CDH22: variants seen among roughly 807,000 people sequenced by gnomAD.
The protein encoded by CDH22 is cadherin 22, also known as cadherin-22.
Under a neutral mutation model 58.4 loss-of-function variants are expected in CDH22, and 30 were observed. That is an observed-to-expected ratio of 0.51 (90% CI 0.38 to 0.70). The LOEUF is 0.70. Among genes scored for constraint, CDH22 ranks in the 30% least tolerant of loss-of-function variants. The pLI, the probability that CDH22 is intolerant of heterozygous loss-of-function variation, is 0.00. For synonymous variants in CDH22, 513 were observed against 558.2 expected (o/e 0.92, Z 1.14); for missense variants, 1,014 against 1,233.9 (o/e 0.82, Z 2.67).
At position 46,174,715 on chromosome 20, in the gene CDH22, C is replaced by G. The variant is rs1488146284; in HGVS notation, c.2278G>C (p.Gly760Arg). Reference sequence around the variant, plus strand: ...TCGTAGGGCGGCACCGACAGGTCCCCGTCCGCCAGTGCCACCTTGCGGCTG... The same window carrying G: ...TCGTAGGGCGGCACCGACAGGTCCCGGTCCGCCAGTGCCACCTTGCGGCTG... ...FISRKVALAD[G>R]DLSVPPYDAF... The change falls in exon 12 of 12, where the codon GGG becomes CGG. Residue 760 changes from glycine to arginine, a missense_variant. Transcript: ENST00000537909. The surrounding 1 kb of genome is among the most constrained non-coding windows in gnomAD (Gnocchi z 4.4). 3 of 1,555,904 alleles carry G rather than the reference C, an allele frequency of 1.9e-6. No individual in the cohort carries two copies. The highest frequency in any genetic ancestry group is 1.2e-5 in the South Asian group (1 of 85,058).
intron 3 of CDH22, among the ~76,000 whole-genome samples, chr20:46,233,890 A>C (rs2145719029): frequency 6.6e-6 from 1 of 152,316 alleles, no homozygotes; most frequent in South Asian, 2.1e-4. Flanking sequence ...TTTAATTAAA[A>C]ACATCTTTAG....
At chr20:46,190,148 A>G (rs1459468323) in intron 8 of CDH22, among the ~76,000 whole-genome samples, 14 of 152,216 alleles carry the variant, frequency 9.2e-5, no homozygotes, top group Admixed American at 9.2e-4. Context: ...TAAAACAAGG[A>G]ATCCATCTGT....
In CDH22 at chr20:46,240,997, G is replaced by C; in HGVS notation, c.516C>G (p.Pro172=). The C allele has an allele frequency of 6.2e-7, 1 of 1,613,798 alleles. No individual in the cohort carries two copies. Among genetic ancestry groups the C allele is most frequent in the Non-Finnish European group, 8.5e-7 (1 of 1,179,878 alleles). The change falls in exon 3 of 12, where the codon CCC becomes CCG. Residue 172 remains proline (P), a synonymous_variant. Coordinates refer to ENST00000537909, the MANE Select transcript of CDH22 (RefSeq NM_021248.3). ...NDSEPRFLHG[P]YIGSVAELSP... ...AGAGCTCGGCCACGCTGCCAATATA[G>C]GGGCCGTGCAGGAAGCGGGGCTCAC...
In CDH22 at chr20:46,216,160, C is replaced by T. The variant is rs2086083584; in HGVS notation, c.838+666G>A. 6.6e-6 allele frequency among the ~76,000 whole-genome samples: 1 copy of T among 152,172 alleles called. No individual in the cohort carries two copies. ...AGCTTTGGTGGCTTCCCTGTAGTGG[C>T]TCTCGGCCTGAGCCTGGGACAGAGG... On this transcript the variant is annotated intron_variant, in intron 5 of 11. Coordinates refer to ENST00000537909, the MANE Select transcript of CDH22 (RefSeq NM_021248.3). This position sits in a 1 kb window ranked among gnomAD's most constrained non-coding sequence, Gnocchi z 5.3.
intron 1 of CDH22, among the ~76,000 whole-genome samples, chr20:46,274,881 T>C (rs2086509819): frequency 6.6e-6 from 1 of 151,166 alleles, no homozygotes; most frequent in South Asian, 2.1e-4. Context: ...ATAGGAAATG[T>C]CCCGAATAGG....
At chr20:46,221,065 C>A (rs2086121370) in intron 4 of CDH22, among the ~76,000 whole-genome samples, 1 of 152,106 alleles carries the variant, frequency 6.6e-6, no homozygotes, top group Non-Finnish European at 1.5e-5. Flanking sequence ...AATCCTGAGA[C>A]CATTGTACTG....
intron 8 of CDH22, among the ~76,000 whole-genome samples, chr20:46,196,494 G>A (rs571040255): frequency 1.3e-5 from 2 of 152,264 alleles, no homozygotes; most frequent in East Asian, 1.9e-4. Context: ...GGCTGGTCTC[G>A]AACTCTTGAA....
At chr20:46,197,497 T>C (rs552275218) in intron 8 of CDH22, among the ~76,000 whole-genome samples, 248 of 152,234 alleles carry the variant, frequency 1.6e-3, no homozygotes, top group African/African-American at 5.5e-3. Flanking sequence ...GGTGGGACAC[T>C]GGGCCGGTGA....
At chr20:46,238,500 A>C (rs866743435) in intron 3 of CDH22, among the ~76,000 whole-genome samples, 2 of 152,138 alleles carry the variant, frequency 1.3e-5, no homozygotes, top group South Asian at 4.2e-4. Context: ...TCTCTTGTTC[A>C]AGATCTCCAC....
Position 46,178,203 on chromosome 20 carries a change from C to G in CDH22, c.1664-6G>C, listed in dbSNP as rs1396965509. On this transcript the variant is annotated splice_polypyrimidine_tract_variant and splice_region_variant and intron_variant, in intron 10 of 11. Transcript: ENST00000537909. ...GTGCACTGCAGCGGTGTTGTCTGTT[C>G]CGGAAGAAGGGGGAGCGGTGTGACT... 1.2e-6 allele frequency: 2 copies of G among 1,607,210 alleles called. No homozygotes were observed. Among genetic ancestry groups the G allele is most frequent in the Admixed American group, 3.3e-5 (2 of 59,860 alleles).
intron 10 of CDH22, among the ~76,000 whole-genome samples, chr20:46,185,016 G>T (rs1250529342): frequency 6.6e-6 from 1 of 152,062 alleles, no homozygotes. Context: ...ACCCTGGGAG[G>T]CAGAGGTTGC....
rs578258729 is a variant in CDH22, at chr20:46,206,918, C to T, written c.1286+3389G>A. On this transcript the variant is annotated intron_variant, in intron 7 of 11. Coordinates refer to ENST00000537909, the MANE Select transcript of CDH22 (RefSeq NM_021248.3). ...AACGCAGGTGCTGCCAGAATGGAACCCTTAGAGCGAGCTGGACTCTGGCAG... is the reference window on the plus strand; with the variant it reads ...AACGCAGGTGCTGCCAGAATGGAACTCTTAGAGCGAGCTGGACTCTGGCAG... 5.9e-5 allele frequency among the ~76,000 whole-genome samples: 9 copies of T among 152,284 alleles called. No individual in the cohort carries two copies. The South Asian group carries it at 1.4e-3, about 25-fold the overall frequency.
At chr20:46,293,947 G>A (rs1003344467) in intron 1 of CDH22, among the ~76,000 whole-genome samples, 3 of 152,082 alleles carry the variant, frequency 2.0e-5, no homozygotes, top group Admixed American at 6.6e-5. Context: ...CCTGGGAGGC[G>A]GAGGTTGCAG....
chr20:46,194,902 G>A (rs906539488), intron 8 of CDH22, among the ~76,000 whole-genome samples: 5 of 152,026 alleles, frequency 3.3e-5, no homozygotes, highest in African/African-American at 9.7e-5. Context: ...GCTAATTTTC[G>A]TACTTTTAGT....
chr20:46,207,738 C>T (rs533020443), intron 7 of CDH22, among the ~76,000 whole-genome samples: 2 of 152,226 alleles, frequency 1.3e-5, no homozygotes, highest in Non-Finnish European at 2.9e-5. Context: ...CTTCTTCAGG[C>T]ACACCAACCA....
At position 46,216,243 on chromosome 20, in the gene CDH22, G is replaced by A. The variant is rs1248387271; in HGVS notation, c.838+583C>T. On this transcript the variant is annotated intron_variant, in intron 5 of 11. Transcript: ENST00000537909. The surrounding 1 kb of genome is among the most constrained non-coding windows in gnomAD (Gnocchi z 5.3). ...GGGCCGGAGACATCCCCCAACCCCC[G>A]CTGTGCCAGCAGAGGCAGAGGGTGG... Among the ~76,000 whole-genome samples the A allele has an allele frequency of 6.6e-6, 1 of 152,218 alleles. No homozygotes were observed. The highest frequency in any genetic ancestry group is 1.5e-5 in the Non-Finnish European group (1 of 68,030).
At chr20:46,223,982 T>C (rs2086152594) in intron 4 of CDH22, among the ~76,000 whole-genome samples, 1 of 151,994 alleles carries the variant, frequency 6.6e-6, no homozygotes, top group Non-Finnish European at 1.5e-5. Flanking sequence ...ACCTCCCGAG[T>C]AGCTGGGATT....
At chr20:46,266,173 CT>C (rs1298655638) in intron 1 of CDH22, among the ~76,000 whole-genome samples, 2 of 152,200 alleles carry the variant, frequency 1.3e-5, no homozygotes, top group Non-Finnish European at 2.9e-5. Context: ...CAGCAGGGTC[CT>C]TTGTCCTCAC....
chr20:46,216,702 GAA>G lies in CDH22; in HGVS notation c.838+122_838+123del. 1.1e-6 allele frequency: 1 copy of G among 934,378 alleles called. No homozygotes were observed. The highest frequency in any genetic ancestry group is 1.7e-6 in the Non-Finnish European group (1 of 605,732). 57.9% of individuals were successfully genotyped at this position (934,378 alleles called of 1,614,324 possible). A position where few individuals can be genotyped will look rare whatever the true frequency, so the allele number is the denominator to read the frequency against. ...GCTTGGGAGGACAGACAGACAGACA[GAA>G]AGAGAGGGGGAAGCCCTTCTTTTGG... On this transcript the variant is annotated intron_variant, in intron 5 of 11. Transcript: ENST00000537909. The surrounding 1 kb of genome is among the most constrained non-coding windows in gnomAD (Gnocchi z 5.3).
Sources: allele counts gnomAD v4.1 joint callset (sites outside exome capture counted in the v4.1 genomes callset), GRCh38; gene constraint gnomAD v4.1.1; non-coding constraint Gnocchi (gnomAD v3.1); transcripts MANE v1.5; gene names NCBI Gene and HGNC (gene_info 2026-07-23, HGNC 2026-07-21).